PHF3: variants seen among roughly 807,000 people sequenced by gnomAD.
PHF3 encodes the protein PHD finger protein 3.
Under a neutral mutation model 178.4 loss-of-function variants are expected in PHF3, and 41 were observed. The ratio of observed to expected loss-of-function variants is 0.23; its 90% CI spans 0.18 to 0.30. The LOEUF is 0.30. PHF3 is among the 10% of genes least tolerant of loss of function. The pLI, the probability that PHF3 is intolerant of heterozygous loss-of-function variation, is 1.00. For missense variants in PHF3, 2,346 were observed against 2,398.1 expected, an observed-to-expected ratio of 0.98 and a Z score of 0.45; for synonymous variants, 842 against 800.5, an observed-to-expected ratio of 1.05 and a Z score of -0.88.
At chr6:63,685,963 T>C in intron 4 of PHF3, 52 bp downstream of exon 4, 1 of 1,308,972 alleles carries the variant, frequency 7.6e-7, no homozygotes, top group Non-Finnish European at 1.1e-6. Flanking sequence ...TAAATTGCTT[T>C]TTTGGGGGTG....
rs1211948229 is a variant in PHF3, at chr6:63,712,196, G to T, written c.4608G>T (p.Lys1536Asn). 6.2e-7 allele frequency: 1 copy of T among 1,613,872 alleles called. No individual in the cohort carries two copies. The highest frequency in any genetic ancestry group is 2.2e-5 in the East Asian group (1 of 44,870). Residue 1536 changes from lysine (K) to asparagine (N), a missense_variant, in exon 16 of 16, where the codon AAG becomes AAT. Physicochemically the swap from Lys to Asn is moderately conservative, Grantham distance 94. Coordinates refer to ENST00000262043, the MANE Select transcript of PHF3 (RefSeq NM_001370348.2). ...KVDNISESTD[K>N]SAEIETSVVG... Reference sequence around the variant, plus strand: ...ATAATATTTCAGAATCTACAGATAAGTCAGCAGAAATAGAAACATCAGTAG... The same window carrying T: ...ATAATATTTCAGAATCTACAGATAATTCAGCAGAAATAGAAACATCAGTAG...
chr6:63,672,605 G>A (rs1449713407), intron 2 of PHF3, among the ~76,000 whole-genome samples: 3 of 152,082 alleles, frequency 2.0e-5, no homozygotes, highest in Non-Finnish European at 4.4e-5. Context: ...GGTTTCTACT[G>A]CTCTGTTTTC....
At position 63,712,316 on chromosome 6, in the gene PHF3, A is replaced by G. The variant is rs747169992; in HGVS notation, c.4728A>G (p.Leu1576=). ...DVSTEAFLTN[L]SIQSKQEETV... ...CTACAGAAGCATTTTTAACAAATTT[A>G]TCAATTCAGTCAAAACAAGAGGAAA... The change falls in exon 16 of 16, where the codon TTA becomes TTG. Residue 1576 remains leucine, a synonymous_variant. Coordinates refer to ENST00000262043, the MANE Select transcript of PHF3 (RefSeq NM_001370348.2). The G allele has an allele frequency of 3.1e-6, 5 of 1,613,080 alleles. No homozygotes were observed. The Admixed American group carries it at 5.0e-5, about 16-fold the overall frequency.
Position 63,720,097 on chromosome 6 carries a change from TATAA to T in PHF3, c.*6394_*6397del, listed in dbSNP as rs1254674267. 2 of 155,754 alleles carry T rather than the reference TATAA, an allele frequency of 1.3e-5. No homozygotes were observed. The highest frequency in any genetic ancestry group is 6.5e-5 in the Admixed American group (1 of 15,336). 9.6% of individuals were successfully genotyped at this position (155,754 alleles called of 1,614,324 possible). ...GTTCAAGTTTTACATTGTTGAATCATATAAATAAGTTGTAGCTAAGCCATGTAAT... is the reference window on the plus strand; with the variant it reads ...GTTCAAGTTTTACATTGTTGAATCATATAAGTTGTAGCTAAGCCATGTAAT... On this transcript the variant is annotated 3_prime_UTR_variant, in exon 16 of 16. Transcript: ENST00000262043.
Position 63,686,165 on chromosome 6 carries a change from T to TCA in PHF3, c.2189+257_2189+258dup, listed in dbSNP as rs2149585479. ...CATACATGGAAATATTTTGTCATTG[T>TCA]CACAGGTTAGACAGTGTAATTTAGC... is the stretch of plus-strand genomic sequence containing the variant. On this transcript the variant is annotated intron_variant, in intron 4 of 15. Coordinates refer to ENST00000262043, the MANE Select transcript of PHF3 (RefSeq NM_001370348.2). The TCA allele has an allele frequency of 6.4e-6, 3 of 469,126 alleles. No individual in the cohort carries two copies. In the East Asian group the frequency reaches 1.0e-4, roughly 16 times the overall value. 29.1% of individuals were successfully genotyped at this position (469,126 alleles called of 1,614,324 possible). A position where few individuals can be genotyped will look rare whatever the true frequency, so the allele number is the denominator to read the frequency against.
In PHF3 at chr6:63,721,246, G is replaced by C. The variant is rs909275009; in HGVS notation, c.*7538G>C. The C allele has an allele frequency of 5.2e-6, 8 of 1,551,824 alleles. No homozygotes were observed. The highest frequency in any genetic ancestry group is 6.1e-6 in the Non-Finnish European group (7 of 1,146,940). On this transcript the variant is annotated 3_prime_UTR_variant, in exon 16 of 16. Coordinates refer to ENST00000262043, the MANE Select transcript of PHF3 (RefSeq NM_001370348.2). ...CAACTGTAAGAAAATGATTGGTCAG[G>C]TATACATAAAGATTGGTGGAGGCAA...
chr6:63,668,138 T>C (rs1323978918), intron 2 of PHF3, among the ~76,000 whole-genome samples: 1 of 152,230 alleles, frequency 6.6e-6, no homozygotes, highest in Non-Finnish European at 1.5e-5. Flanking sequence ...TTCTTTTACA[T>C]TTATTTGCTG....
In PHF3 at chr6:63,721,567, A is replaced by G; in HGVS notation, c.*7859A>G. ...TTTAAAGAAGATACTCCTCCAATAT[A>G]GAAGTCTGTATTTGTGTCCAGAGAA... On this transcript the variant is annotated 3_prime_UTR_variant, in exon 16 of 16. Coordinates refer to ENST00000262043, the MANE Select transcript of PHF3 (RefSeq NM_001370348.2). The G allele has an allele frequency of 7.7e-6, 12 of 1,551,792 alleles. No individual in the cohort carries two copies. The highest frequency in any genetic ancestry group is 1.0e-5 in the Non-Finnish European group (12 of 1,146,884).
Position 63,716,674 on chromosome 6 carries a change from C to A in PHF3, c.*2966C>A, listed in dbSNP as rs1218444593. Among the ~76,000 whole-genome samples, 2 of 151,762 alleles carry A rather than the reference C, an allele frequency of 1.3e-5. No individual in the cohort carries two copies. The highest frequency in any genetic ancestry group is 6.6e-5 in the Admixed American group (1 of 15,202). On this transcript the variant is annotated 3_prime_UTR_variant, in exon 16 of 16. Coordinates refer to ENST00000262043, the MANE Select transcript of PHF3 (RefSeq NM_001370348.2). The stretch of plus-strand genomic sequence containing the variant: ...TTTTCTGGAGACTTTCAGGGAGATT[C>A]CTTTTTTTTTGCGCCTTGGTTTCTA...
rs987305053 is a variant in PHF3, at chr6:63,636,135, C to T, written c.-41C>T. ...TCCTCTTGCTGCCAGTGGTAGCGCT[C>T]GTCTGGCGGAGCTGGGTGAGTTGCG... On this transcript the variant is annotated 5_prime_UTR_variant, in exon 1 of 16. Coordinates refer to ENST00000262043, the MANE Select transcript of PHF3 (RefSeq NM_001370348.2). 24 of 389,232 alleles carry T rather than the reference C, an allele frequency of 6.2e-5. No individual in the cohort carries two copies. Among genetic ancestry groups the T allele is most frequent in the Non-Finnish European group, 9.5e-5 (21 of 220,800 alleles). 24.1% of individuals were successfully genotyped at this position (389,232 alleles called of 1,614,324 possible).
rs1768571965 is a variant in PHF3, at chr6:63,725,310, A to G, written c.*11602A>G. ...ATGTGTATTAGTGTGTATGAGCTTT[A>G]TATTTCATATACACAAACAAATATG... On this transcript the variant is annotated 3_prime_UTR_variant, in exon 16 of 16. Coordinates refer to ENST00000262043, the MANE Select transcript of PHF3 (RefSeq NM_001370348.2). Among the ~76,000 whole-genome samples the G allele has an allele frequency of 6.6e-6, 1 of 151,958 alleles. No homozygotes were observed. Among genetic ancestry groups the G allele is most frequent in the Admixed American group, 6.5e-5 (1 of 15,268 alleles).
At chr6:63,704,567 T>C (rs1323015817) in intron 11 of PHF3, among the ~76,000 whole-genome samples, 2 of 151,792 alleles carry the variant, frequency 1.3e-5, no homozygotes, top group East Asian at 3.8e-4. Flanking sequence ...CTATGTCTTT[T>C]CATGGCTGGA....
chr6:63,648,151 C>G (rs1022297931), intron 2 of PHF3, among the ~76,000 whole-genome samples: 4 of 152,042 alleles, frequency 2.6e-5, no homozygotes, highest in Admixed American at 6.6e-5. Context: ...TAGTGTATCT[C>G]TGAATTATTT....
Position 63,715,869 on chromosome 6 carries a change from C to A in PHF3, c.*2161C>A, listed in dbSNP as rs1006363964. On this transcript the variant is annotated 3_prime_UTR_variant, in exon 16 of 16. Transcript: ENST00000262043. Reference sequence around the variant, plus strand: ...TAGTAGATCCAAAGCCATTCTCAGTCCCAGGTACAACCAGCCTTACACAAA... The same window carrying A: ...TAGTAGATCCAAAGCCATTCTCAGTACCAGGTACAACCAGCCTTACACAAA... Among the ~76,000 whole-genome samples, 6 of 152,178 alleles carry A rather than the reference C, an allele frequency of 3.9e-5. No individual in the cohort carries two copies. The South Asian group carries it at 6.2e-4, about 16-fold the overall frequency.
At chr6:63,674,369 TGTATC>T (rs1179130902) in intron 2 of PHF3, among the ~76,000 whole-genome samples, 2 of 108,558 alleles carry the variant, frequency 1.8e-5, no homozygotes, top group African/African-American at 6.1e-5. Flanking sequence ...TGTTTTAAAA[TGTATC>T]GTAAAGAAGG....
At position 63,720,371 on chromosome 6, in the gene PHF3, T is replaced by C; in HGVS notation, c.*6663T>C. 1.3e-5 allele frequency: 6 copies of C among 465,640 alleles called. No homozygotes were observed. The highest frequency in any genetic ancestry group is 1.9e-5 in the Non-Finnish European group (5 of 266,354). The allele number at this position is 465,640 out of a possible 1,614,324, so 28.8% of individuals were successfully genotyped here. A position where few individuals can be genotyped will look rare whatever the true frequency, so the allele number is the denominator to read the frequency against. ...ATTCTGTGAATAAGCACTGAACTAA[T>C]GGAGTTAAAACATGAATCAAAATAT... On this transcript the variant is annotated 3_prime_UTR_variant, in exon 16 of 16. Coordinates refer to ENST00000262043, the MANE Select transcript of PHF3 (RefSeq NM_001370348.2).
At position 63,712,644 on chromosome 6, in the gene PHF3, C is replaced by A; in HGVS notation, c.5056C>A (p.His1686Asn). 6.2e-7 allele frequency: 1 copy of A among 1,613,854 alleles called. No individual in the cohort carries two copies. Among genetic ancestry groups the A allele is most frequent in the Non-Finnish European group, 8.5e-7 (1 of 1,179,936 alleles). Residue 1686 changes from histidine to asparagine, a missense_variant, in exon 16 of 16, where the codon CAC becomes AAC. Physicochemically the swap from His to Asn is moderately conservative, Grantham distance 68. Transcript: ENST00000262043. ...GEKHMLPGLS[H>N]NKEHLTEQIN... ...AAAACACATGCTGCCTGGCCTGTCA[C>A]ACAACAAGGAGCACTTAACAGAACA...
At position 63,670,045 on chromosome 6, in the gene PHF3, C is replaced by T. The variant is rs149009594; in HGVS notation, c.245-9955C>T. 1.9e-3 allele frequency among the ~76,000 whole-genome samples: 289 copies of T among 152,040 alleles called. 1 individual carries two copies. The highest frequency in any genetic ancestry group is 5.4e-3 in the African/African-American group (225 of 41,448). ...CTTGATGAAAGTTCCTTTTATAGAA[C>T]CGTTTTTATACTCTTAAAAGGAGAC... is the stretch of plus-strand genomic sequence containing the variant. On this transcript the variant is annotated intron_variant, in intron 2 of 15. Coordinates refer to ENST00000262043, the MANE Select transcript of PHF3 (RefSeq NM_001370348.2).
Position 63,713,083 on chromosome 6 carries a change from C to T in PHF3, c.5495C>T (p.Pro1832Leu). ...NFPPQSMFGFPPHLPPPLLPP... is the reference protein window; with the variant it reads ...NFPPQSMFGFLPHLPPPLLPP... ...CCCCCACAAAGCATGTTTGGATTTC[C>T]ACCACATTTGCCACCTCCATTACTT... The change falls in exon 16 of 16, where the codon CCA becomes CTA. Residue 1832 changes from proline to leucine, a missense_variant. By Grantham distance (98) the Pro-to-Leu change is moderately conservative. Coordinates refer to ENST00000262043, the MANE Select transcript of PHF3 (RefSeq NM_001370348.2). The T allele has an allele frequency of 6.2e-7, 1 of 1,613,984 alleles. No homozygotes were observed. Among genetic ancestry groups the T allele is most frequent in the Admixed American group, 1.7e-5 (1 of 60,008 alleles).
Sources: gnomAD v4.1 joint callset for allele counts (sites outside exome capture counted in the v4.1 genomes callset) on GRCh38, gnomAD v4.1.1 for gene constraint, MANE v1.5 for transcripts, NCBI Gene and HGNC (gene_info 2026-07-23, HGNC 2026-07-21) for gene names.